Variants in TENM4 observed in about 807,000 individuals in gnomAD.
TENM4 encodes the protein teneurin-4.
TENM4 carries 82 observed loss-of-function variants against 243.3 expected under a neutral mutation model. The observed-to-expected ratio is 0.34, with a 90% CI of 0.28 to 0.40. The LOEUF is 0.40. Among genes scored for constraint, TENM4 ranks in the 10% least tolerant of loss-of-function variants. The pLI is 1.00. For synonymous variants in TENM4, 1,412 were observed against 1,456.3 expected (o/e 0.97, Z 0.69); for missense variants, 3,138 against 3,673.3 (o/e 0.85, Z 3.77).
intron 3 of TENM4, among the ~76,000 whole-genome samples, chr11:79,150,396 CA>C (rs1468183825): frequency 6.6e-6 from 1 of 151,982 alleles, no homozygotes; most frequent in Non-Finnish European, 1.5e-5. Flanking sequence ...TTAGAAAGGT[CA>C]AAAAACACTG....
chr11:78,798,346 C>T (rs780162721), intron 15 of TENM4, among the ~76,000 whole-genome samples: 10 of 152,086 alleles, frequency 6.6e-5, no homozygotes, highest in South Asian at 2.1e-4. Flanking sequence ...TCCATCTAGT[C>T]GTTATTGTTA....
chr11:79,294,827 T>G (rs75038846), intron 2 of TENM4, among the ~76,000 whole-genome samples: 5,330 of 152,070 alleles, frequency 0.035, 312 homozygotes, highest in East Asian at 0.27. Context: ...CCAGCCTGGG[T>G]GACAAGAGTG....
intron 6 of TENM4, chr11:78,903,741 TCCCCA>T: frequency 1.3e-6 from 1 of 777,222 alleles, no homozygotes. Flanking sequence ...AAAATTCCCG[TCCCCA>T]CTGAGCTTAA....
intron 2 of TENM4, among the ~76,000 whole-genome samples, chr11:79,278,668 A>G (rs1165825697): frequency 2.6e-5 from 4 of 152,304 alleles, no homozygotes; most frequent in African/African-American, 9.6e-5. Flanking sequence ...ATTTCCAGAA[A>G]CCTTTCCTGG....
At chr11:78,933,133 C>T (rs1191724663) in intron 6 of TENM4, among the ~76,000 whole-genome samples, 4 of 152,164 alleles carry the variant, frequency 2.6e-5, no homozygotes, top group Non-Finnish European at 5.9e-5. Flanking sequence ...CTAGATTTGA[C>T]TGTGGAATAG....
chr11:78,865,382 C>T (rs535484014), intron 9 of TENM4, among the ~76,000 whole-genome samples: 126 of 152,338 alleles, frequency 8.3e-4, no homozygotes, highest in Admixed American at 1.5e-3. Context: ...TTCTCGGCAT[C>T]AAGGCCCAGG....
chr11:78,855,815 G>A, intron 11 of TENM4, 149 bp downstream of exon 11: 2 of 706,814 alleles, frequency 2.8e-6, no homozygotes, highest in East Asian at 2.7e-5. Flanking sequence ...TGAAAGGGTG[G>A]GTCTGAGAGG....
intron 1 of TENM4, among the ~76,000 whole-genome samples, chr11:79,306,540 C>A (rs76784878): frequency 6.6e-6 from 1 of 152,056 alleles, no homozygotes; most frequent in African/African-American, 2.4e-5. Flanking sequence ...GGGCTGAGGT[C>A]GTGCTGGGAA....
chr11:79,437,077 G>C (rs1322140337), intron 1 of TENM4, among the ~76,000 whole-genome samples: 1 of 152,204 alleles, frequency 6.6e-6, no homozygotes, highest in African/African-American at 2.4e-5. Flanking sequence ...GTTCACTCCA[G>C]GCAATCAGCT....
intron 4 of TENM4, among the ~76,000 whole-genome samples, chr11:79,100,029 G>T (rs1377988851): frequency 6.6e-6 from 1 of 151,992 alleles, no homozygotes; most frequent in Non-Finnish European, 1.5e-5. Flanking sequence ...GCCGTTTTTA[G>T]CATCTTTAGC....
chr11:78,887,968 T>C (rs1433145089), intron 9 of TENM4, among the ~76,000 whole-genome samples: 1 of 152,224 alleles, frequency 6.6e-6, no homozygotes, highest in Non-Finnish European at 1.5e-5. Context: ...ATAATAATGT[T>C]AGTCAAAACC....
intron 1 of TENM4, among the ~76,000 whole-genome samples, chr11:79,412,544 C>A (rs1223414314): frequency 6.6e-6 from 1 of 152,196 alleles, no homozygotes; most frequent in Non-Finnish European, 1.5e-5. Flanking sequence ...GTCACCTAAC[C>A]TGTCTATGCT....
chr11:79,333,351 C>T (rs1330378068), intron 1 of TENM4, among the ~76,000 whole-genome samples: 2 of 152,182 alleles, frequency 1.3e-5, no homozygotes, highest in Non-Finnish European at 2.9e-5. Context: ...TCTACTTTGC[C>T]ATCATCTTCT....
Position 79,003,540 on chromosome 11 carries a change from C to T in TENM4, c.493+61198G>A, listed in dbSNP as rs142446314. The stretch of plus-strand genomic sequence containing the variant: ...AAATTTCAACCAAGAATTTCATATC[C>T]AGCCAAACTAAGCTTCATAAGCAAA... On this transcript the variant is annotated intron_variant, in intron 6 of 33. Coordinates refer to ENST00000278550, the MANE Select transcript of TENM4 (RefSeq NM_001098816.3). Among the ~76,000 whole-genome samples, 53 of 152,214 alleles carry T rather than the reference C, an allele frequency of 3.5e-4. No individual in the cohort carries two copies. In the East Asian group the frequency reaches 8.7e-3, roughly 25 times the overall value.
chr11:79,356,419 G>T (rs1857497379), intron 1 of TENM4, among the ~76,000 whole-genome samples: 1 of 152,190 alleles, frequency 6.6e-6, no homozygotes. Flanking sequence ...AGTGCCTGGT[G>T]TAGAGTCATC....
intron 17 of TENM4, among the ~76,000 whole-genome samples, chr11:78,775,228 C>T (rs556311178): frequency 1.1e-4 from 17 of 152,304 alleles, no homozygotes; most frequent in African/African-American, 3.8e-4. Flanking sequence ...TATTCCATTC[C>T]ATGGAACCCC....
intron 1 of TENM4, among the ~76,000 whole-genome samples, chr11:79,432,734 T>G (rs1290125922): frequency 1.3e-5 from 2 of 152,188 alleles, no homozygotes; most frequent in Non-Finnish European, 2.9e-5. Context: ...ACTTTCAAAG[T>G]AGGCCCAGAA....
At chr11:78,872,475 G>A (rs1290128362) in intron 9 of TENM4, among the ~76,000 whole-genome samples, 1 of 152,192 alleles carries the variant, frequency 6.6e-6, no homozygotes, top group African/African-American at 2.4e-5. Context: ...GCCAGGTCTG[G>A]GATGGTGCCT....
intron 6 of TENM4, among the ~76,000 whole-genome samples, chr11:78,986,694 C>T (rs970776151): frequency 6.6e-6 from 1 of 152,162 alleles, no homozygotes; most frequent in Non-Finnish European, 1.5e-5. Flanking sequence ...CTGCCTCAGC[C>T]TCCTGAGTAG....
Sources: gnomAD v4.1 joint callset for allele counts (sites outside exome capture counted in the v4.1 genomes callset) on GRCh38, gnomAD v4.1.1 for gene constraint, MANE v1.5 for transcripts, NCBI Gene and HGNC (gene_info 2026-07-23, HGNC 2026-07-21) for gene names.